The following MYRFL variants were observed in gnomAD, a reference collection of about 807,000 sequenced individuals.
The protein encoded by MYRFL is myelin regulatory factor-like protein.
In MYRFL, 88 loss-of-function variants were observed where a neutral mutation model predicts 109.4. That is an observed-to-expected ratio of 0.80 (90% CI 0.68 to 0.96). MYRFL has a LOEUF of 0.96. MYRFL is among the 40% of genes least tolerant of loss of function. The pLI is 0.00. For missense variants in MYRFL, 957 were observed against 954.9 expected, an observed-to-expected ratio of 1.00 and a Z score of -0.03; for synonymous variants, 324 against 320.9, an observed-to-expected ratio of 1.01 and a Z score of -0.10.
At chr12:69,838,292 T>TC (rs1453426627) in intron 1 of MYRFL, among the ~76,000 whole-genome samples, 1 of 152,174 alleles carries the variant, frequency 6.6e-6, no homozygotes, top group Non-Finnish European at 1.5e-5. Flanking sequence ...GGGTGGTGTC[T>TC]CCTCCTTAGC....
In MYRFL at chr12:69,952,097, CTTGT is replaced by C; in HGVS notation, c.2225-13_2225-10del. 1 of 1,535,822 alleles carries C rather than the reference CTTGT, an allele frequency of 6.5e-7. No homozygotes were observed. Among genetic ancestry groups the C allele is most frequent in the South Asian group, 1.2e-5 (1 of 84,054 alleles). ...TGAACAAGCCTTCAAGATTGACAGA[CTTGT>C]TTCCTTTTCAGAAGACAAAAGCAAA... On this transcript the variant is annotated splice_polypyrimidine_tract_variant and intron_variant, in intron 19 of 24. Coordinates refer to ENST00000552032, the MANE Select transcript of MYRFL (RefSeq NM_182530.3).
chr12:69,953,503 C>T (rs572894355), intron 21 of MYRFL, among the ~76,000 whole-genome samples: 2 of 152,200 alleles, frequency 1.3e-5, no homozygotes, highest in Admixed American at 6.5e-5. Context: ...TGGTGGCTCA[C>T]GCCTGTAGTT....
chr12:69,851,634 G>C (rs922248885), intron 1 of MYRFL, among the ~76,000 whole-genome samples: 5 of 152,248 alleles, frequency 3.3e-5, no homozygotes, highest in Admixed American at 6.5e-5. Context: ...CTGATGTAAG[G>C]CACTGAGAAG....
intron 13 of MYRFL, among the ~76,000 whole-genome samples, chr12:69,920,175 G>A (rs1954865383): frequency 6.6e-6 from 1 of 152,144 alleles, no homozygotes; most frequent in Non-Finnish European, 1.5e-5. Context: ...AAAGAGGACA[G>A]GACCTAACCT....
chr12:69,907,117 C>T (rs1172387803), intron 11 of MYRFL, among the ~76,000 whole-genome samples: 2 of 152,104 alleles, frequency 1.3e-5, no homozygotes, highest in East Asian at 1.9e-4. Context: ...TTTCCCTAGG[C>T]CAAGTGTACA....
chr12:69,880,765 G>T (rs1359164202), intron 5 of MYRFL, among the ~76,000 whole-genome samples: 1 of 152,178 alleles, frequency 6.6e-6, no homozygotes, highest in Non-Finnish European at 1.5e-5. Context: ...CGATGCTACT[G>T]GCTCATGGAA....
chr12:69,949,566 G>A (rs556162593), intron 19 of MYRFL, among the ~76,000 whole-genome samples: 7 of 152,022 alleles, frequency 4.6e-5, no homozygotes, highest in African/African-American at 1.4e-4. Context: ...CCCATGGGCC[G>A]GCCACATGCG....
At chr12:69,926,130 T>C (rs1955070534) in intron 13 of MYRFL, among the ~76,000 whole-genome samples, 1 of 133,722 alleles carries the variant, frequency 7.5e-6, no homozygotes, top group African/African-American at 3.8e-5. Context: ...TTTTTTTTTT[T>C]TTTTTTTTTT....
At chr12:69,831,996 G>A (rs1792024955) in intron 1 of MYRFL, among the ~76,000 whole-genome samples, 1 of 152,118 alleles carries the variant, frequency 6.6e-6, no homozygotes, top group African/African-American at 2.4e-5. Flanking sequence ...TTATAGAAAG[G>A]AGAAATGTTA....
chr12:69,952,935 T>C, intron 21 of MYRFL, 49 bp downstream of exon 21: 1 of 1,323,554 alleles, frequency 7.6e-7, no homozygotes. Flanking sequence ...AATTTACCCA[T>C]GGCTCTGGGT....
intron 7 of MYRFL, among the ~76,000 whole-genome samples, chr12:69,891,638 T>TCTC (rs1566002347): frequency 6.8e-4 from 3 of 4,382 alleles, no homozygotes; most frequent in Non-Finnish European, 1.1e-3. Flanking sequence ...TTCCTTTCTT[T>TCTC]TTCTTTCTTT....
intron 19 of MYRFL, among the ~76,000 whole-genome samples, chr12:69,949,744 A>C (rs1304830426): frequency 6.6e-6 from 1 of 151,900 alleles, no homozygotes; most frequent in African/African-American, 2.4e-5. Context: ...TGGCCTAGGG[A>C]AGCCAGAAGA....
chr12:69,880,365 C>G lies in MYRFL; in HGVS notation c.556+73C>G, dbSNP rs947877800. The G allele has an allele frequency of 1.4e-5, 9 of 665,986 alleles. 1 individual carries two copies. Among genetic ancestry groups the G allele is most frequent in the South Asian group, 3.3e-5 (2 of 60,984 alleles). The allele number at this position is 665,986 out of a possible 1,614,324, so 41.3% of individuals were successfully genotyped here. A position where few individuals can be genotyped will look rare whatever the true frequency, so the allele number is the denominator to read the frequency against. ...GCATTAAAGCAAGGCTTTTTACCAG[C>G]CTTTGAGCAGCCCTGCAAAAGTTTC... On this transcript the variant is annotated intron_variant, in intron 5 of 24. Transcript: ENST00000552032.
At chr12:69,957,138 G>C (rs1033577148) in intron 22 of MYRFL, among the ~76,000 whole-genome samples, 11 of 152,078 alleles carry the variant, frequency 7.2e-5, no homozygotes, top group Non-Finnish European at 1.6e-4. Context: ...TGATTAATGG[G>C]GCCAACCTCC....
chr12:69,828,042 TAAAG>T (rs1641862160), intron 1 of MYRFL, among the ~76,000 whole-genome samples: 1 of 152,110 alleles, frequency 6.6e-6, no homozygotes, highest in South Asian at 2.1e-4. Context: ...GAGTTTATCT[TAAAG>T]GAGAATAGGT....
chr12:69,840,504 C>T (rs1348801196), intron 1 of MYRFL, among the ~76,000 whole-genome samples: 1 of 152,154 alleles, frequency 6.6e-6, no homozygotes, highest in African/African-American at 2.4e-5. Context: ...TCTGACATCC[C>T]GCTGCAGTGT....
At chr12:69,927,874 CTA>C (rs1955146389) in intron 15 of MYRFL, 126 bp downstream of exon 15, 2 of 813,064 alleles carry the variant, frequency 2.5e-6, no homozygotes, top group Non-Finnish European at 3.7e-6. Flanking sequence ...TCCTTATGTA[CTA>C]TATGTGTTTA....
At chr12:69,928,112 G>A (rs1955155360) in intron 15 of MYRFL, among the ~76,000 whole-genome samples, 1 of 152,198 alleles carries the variant, frequency 6.6e-6, no homozygotes, top group South Asian at 2.1e-4. Context: ...ATCCCAAAGG[G>A]ACTTTAGTTA....
chr12:69,829,196 A>C (rs979748020), intron 1 of MYRFL, among the ~76,000 whole-genome samples: 7 of 152,122 alleles, frequency 4.6e-5, no homozygotes, highest in African/African-American at 1.7e-4. Flanking sequence ...TATGAGGAAG[A>C]ATAGTCTGTT....
Sources: gnomAD v4.1 joint callset for allele counts (sites outside exome capture counted in the v4.1 genomes callset) on GRCh38, gnomAD v4.1.1 for gene constraint, MANE v1.5 for transcripts, NCBI Gene and HGNC (gene_info 2026-07-23, HGNC 2026-07-21) for gene names.